The following GPHN variants were observed in gnomAD, a reference collection of about 807,000 sequenced individuals.
GPHN encodes gephyrin.
In GPHN, 17 loss-of-function variants were observed where a neutral mutation model predicts 95.5. The ratio of observed to expected loss-of-function variants is 0.18; its 90% CI spans 0.12 to 0.27. GPHN has a LOEUF of 0.27. GPHN is among the 10% of genes least tolerant of loss of function. GPHN has a pLI of 1.00. For missense variants in GPHN, 660 were observed against 978.1 expected (o/e 0.67, Z 4.34); for synonymous variants, 320 against 322.5 (o/e 0.99, Z 0.08).
At chr14:67,173,454 G>T (rs6573754) in intron 21 of GPHN, among the ~76,000 whole-genome samples, 45,993 of 151,960 alleles carry the variant, frequency 0.3, 10,821 homozygotes, top group African/African-American at 0.63. Flanking sequence ...GTTACTGCTC[G>T]CCCTGAAAGC....
intron 1 of GPHN, among the ~76,000 whole-genome samples, chr14:66,547,131 G>T (rs544546337): frequency 6.6e-6 from 1 of 152,094 alleles, no homozygotes; most frequent in South Asian, 2.1e-4. Context: ...CAACAGAGGT[G>T]GTGGGAAGAA....
chr14:67,489,854 A>G, the GPHN span, among the ~76,000 whole-genome samples: 8 of 152,104 alleles, frequency 5.3e-5, no homozygotes, highest in East Asian at 1.9e-4. Flanking sequence ...GCCAGGTGTG[A>G]TGGTGGGCAC....
the GPHN span, among the ~76,000 whole-genome samples, chr14:67,261,835 G>C: frequency 6.6e-6 from 1 of 152,020 alleles, no homozygotes. Context: ...TAAACTTGTA[G>C]TCTGTTAGCA....
chr14:67,086,567 C>T (rs1437490176), intron 11 of GPHN, among the ~76,000 whole-genome samples: 2 of 148,826 alleles, frequency 1.3e-5, no homozygotes, highest in Non-Finnish European at 3.0e-5. Context: ...AGGAGAATGG[C>T]GTGAACCCCA....
chr14:66,652,971 T>C lies in GPHN; in HGVS notation c.65-28136T>C, dbSNP rs1200402870. 2.0e-5 allele frequency among the ~76,000 whole-genome samples: 3 copies of C among 152,318 alleles called. No individual in the cohort carries two copies. The South Asian group carries it at 6.2e-4, about 32-fold the overall frequency. On this transcript the variant is annotated intron_variant, in intron 1 of 22. Transcript: ENST00000478722. ...GCTTGACCTCTGCCTCTGCCTATTCTCTGGGCAGTTCTCCCTGTCAATTCA... is the reference window on the plus strand; with the variant it reads ...GCTTGACCTCTGCCTCTGCCTATTCCCTGGGCAGTTCTCCCTGTCAATTCA...
intron 1 of GPHN, among the ~76,000 whole-genome samples, chr14:66,569,933 ACCT>A (rs2060612845): frequency 6.6e-6 from 1 of 151,822 alleles, no homozygotes; most frequent in African/African-American, 2.4e-5. Flanking sequence ...GATGACCAAC[ACCT>A]CCTCAATCTC....
intron 5 of GPHN, among the ~76,000 whole-genome samples, chr14:66,910,669 C>T (rs2065627625): frequency 6.6e-6 from 1 of 151,934 alleles, no homozygotes; most frequent in African/African-American, 2.4e-5. Flanking sequence ...TGTGGGTATG[C>T]ATATATGCAT....
chr14:67,198,332 T>A, the GPHN span: 1 of 1,606,866 alleles, frequency 6.2e-7, no homozygotes, highest in Non-Finnish European at 8.5e-7. Flanking sequence ...TAAATCATAT[T>A]CAAGGCCTGA....
chr14:66,965,472 T>C (rs1201149835), intron 9 of GPHN, 147 bp downstream of exon 9: 25 of 781,006 alleles, frequency 3.2e-5, no homozygotes, highest in Non-Finnish European at 3.9e-5. Context: ...TTCCCACCCA[T>C]TGTGTCACAA....
At chr14:67,610,065 C>G in the GPHN span, among the ~76,000 whole-genome samples, 1 of 152,132 alleles carries the variant, frequency 6.6e-6, no homozygotes, top group Non-Finnish European at 1.5e-5. Context: ...CTGCTTCTCC[C>G]CAGGGCTGCC....
At chr14:66,981,893 C>G (rs1046270346) in intron 9 of GPHN, among the ~76,000 whole-genome samples, 1 of 152,100 alleles carries the variant, frequency 6.6e-6, no homozygotes, top group Non-Finnish European at 1.5e-5. Context: ...TTTATTGATG[C>G]ATTCAGAAAG....
At chr14:67,026,347 T>C (rs2073923020) in intron 10 of GPHN, among the ~76,000 whole-genome samples, 1 of 152,226 alleles carries the variant, frequency 6.6e-6, no homozygotes, top group Non-Finnish European at 1.5e-5. Flanking sequence ...TTGTTACTAT[T>C]ACTACTAATA....
rs137879839 is a variant in GPHN at position 66,699,671 on chromosome 14, C to T, written c.143+18486C>T. 3.6e-3 allele frequency among the ~76,000 whole-genome samples: 555 copies of T among 152,264 alleles called. 8 individuals carry two copies. Among genetic ancestry groups the T allele is most frequent in the Admixed American group, 0.019 (298 of 15,294 alleles). On this transcript the variant is annotated intron_variant, in intron 2 of 22. Coordinates refer to ENST00000478722, the MANE Select transcript of GPHN (RefSeq NM_020806.5). ...TGCAAGACCAGTAATGATCTGATTA[C>T]TTCCTGGCTCTTCAACTTCACCTCT...
At chr14:67,013,573 A>C (rs2153618646) in intron 9 of GPHN, among the ~76,000 whole-genome samples, 1 of 152,178 alleles carries the variant, frequency 6.6e-6, no homozygotes, top group African/African-American at 2.4e-5. Context: ...GTTCTTATAT[A>C]TTTCTCGAAG....
At chr14:67,251,088 A>C in the GPHN span, among the ~76,000 whole-genome samples, 1 of 152,236 alleles carries the variant, frequency 6.6e-6, no homozygotes, top group Non-Finnish European at 1.5e-5. Context: ...AGTGATAGAA[A>C]GGAGTTGAAT....
the GPHN span, chr14:67,656,443 T>C: frequency 3.1e-5 from 50 of 1,613,472 alleles, 1 homozygote; most frequent in Admixed American, 8.0e-4. Context: ...CTAACTGGTC[T>C]CGTTGTTCCC....
chr14:66,673,174 C>T (rs776677890), intron 1 of GPHN, among the ~76,000 whole-genome samples: 12 of 152,158 alleles, frequency 7.9e-5, no homozygotes, highest in African/African-American at 2.4e-4. Context: ...CTCACTGCAA[C>T]CTCCGCCTCC....
chr14:67,589,832 T>C, the GPHN span: 7 of 1,186,152 alleles, frequency 5.9e-6, no homozygotes, highest in Non-Finnish European at 7.3e-6. Flanking sequence ...TGACATACTG[T>C]GTCAAAATTC....
At chr14:66,799,051 T>A (rs2060255702) in intron 3 of GPHN, among the ~76,000 whole-genome samples, 1 of 152,004 alleles carries the variant, frequency 6.6e-6, no homozygotes, top group African/African-American at 2.4e-5. Context: ...TTCAGTTTTC[T>A]TCTTAATTTC....
Sources: gnomAD v4.1 joint callset for allele counts (sites outside exome capture counted in the v4.1 genomes callset) on GRCh38, gnomAD v4.1.1 for gene constraint, MANE v1.5 for transcripts, NCBI Gene and HGNC (gene_info 2026-07-23, HGNC 2026-07-21) for gene names.